The following MGLL variants were observed in gnomAD, a reference collection of about 807,000 sequenced individuals.
MGLL encodes the protein monoglyceride lipase.
MGLL carries 7 observed loss-of-function variants against 29.1 expected under a neutral mutation model. The ratio of observed to expected loss-of-function variants is 0.24; its 90% CI spans 0.14 to 0.45. The LOEUF is 0.45. Ranked by LOEUF, MGLL falls within the 20% of genes least tolerant of loss-of-function variation. The pLI is 0.99. For missense variants in MGLL, 356 were observed against 413.6 expected (o/e 0.86, Z 1.21); for synonymous variants, 148 against 168.3 (o/e 0.88, Z 0.93).
At chr3:127,821,957 T>C in intron 1 of MGLL, 119 bp from the exon 2 acceptor site, 1 of 1,136,002 alleles carries the variant, frequency 8.8e-7, no homozygotes, top group Non-Finnish European at 1.2e-6. Flanking sequence ...AAAAAACCCC[T>C]CTGTTTCAAA....
chr3:127,785,895 C>T (rs1179575964), intron 2 of MGLL, among the ~76,000 whole-genome samples: 1 of 152,182 alleles, frequency 6.6e-6, no homozygotes, highest in African/African-American at 2.4e-5. Flanking sequence ...GATAAGGGAG[C>T]CCAACCTAGA....
intron 2 of MGLL, among the ~76,000 whole-genome samples, chr3:127,785,327 C>G (rs547617564): frequency 2.6e-5 from 4 of 152,346 alleles, no homozygotes; most frequent in Middle Eastern, 3.4e-3. Context: ...CTGGCCATGT[C>G]CCAAGCTATG....
upstream of MGLL, chr3:127,822,520 C>T: frequency 1.6e-6 from 1 of 608,216 alleles, no homozygotes; most frequent in Non-Finnish European, 2.9e-6. Flanking sequence ...CTCTCCGGGG[C>T]TCCCCTCCCT....
intron 5 of MGLL, among the ~76,000 whole-genome samples, chr3:127,715,010 C>G (rs2075788164): frequency 6.6e-6 from 1 of 152,192 alleles, no homozygotes; most frequent in Non-Finnish European, 1.5e-5. Flanking sequence ...TCCAGGGCCA[C>G]CTGGCTTCTG....
chr3:127,720,911 G>T, intron 5 of MGLL, 142 bp downstream of exon 5: 1 of 746,870 alleles, frequency 1.3e-6, no homozygotes, highest in South Asian at 1.5e-5. Flanking sequence ...CAACAGTGTT[G>T]GATATTTGTC....
intron 6 of MGLL, among the ~76,000 whole-genome samples, chr3:127,701,063 A>C (rs1462992849): frequency 6.6e-6 from 1 of 151,776 alleles, no homozygotes; most frequent in Non-Finnish European, 1.5e-5. Context: ...AAAAATACAA[A>C]AATTAGCCTG....
Position 127,721,173 on chromosome 3 carries a change from A to C in MGLL, c.400-10T>G. The C allele has an allele frequency of 6.2e-7, 1 of 1,611,292 alleles. No homozygotes were observed. The highest frequency in any genetic ancestry group is 8.5e-7 in the Non-Finnish European group (1 of 1,177,496). On this transcript the variant is annotated splice_polypyrimidine_tract_variant and intron_variant, in intron 4 of 7. Transcript: ENST00000265052. The stretch of plus-strand genomic sequence containing the variant: ...TGGCGATGGCGCCTCCCTGTAATGC[A>C]GAATGGGCAGAGCTGCTGTGTTCGG...
At chr3:127,781,727 G>A in intron 3 of MGLL, 62 bp downstream of exon 3, 1 of 1,379,884 alleles carries the variant, frequency 7.2e-7, no homozygotes. Flanking sequence ...AGATGGACTA[G>A]AGAGGGAGAT....
Position 127,691,946 on chromosome 3 carries a change from T to G in MGLL, c.*252A>C. 1.9e-6 allele frequency: 1 copy of G among 521,390 alleles called. No homozygotes were observed. The highest frequency in any genetic ancestry group is 3.4e-6 in the Non-Finnish European group (1 of 295,390). 32.3% of individuals were successfully genotyped at this position (521,390 alleles called of 1,614,324 possible). The stretch of plus-strand genomic sequence containing the variant: ...TGTTTTCAGTGGACATTTTAGCACA[T>G]TCTTTGTGGAAAATCACCTGGGACC... On this transcript the variant is annotated 3_prime_UTR_variant, in exon 8 of 8. Coordinates refer to ENST00000265052, the MANE Select transcript of MGLL (RefSeq NM_007283.7).
At chr3:127,694,209 G>T (rs564977751) in intron 7 of MGLL, among the ~76,000 whole-genome samples, 1 of 148,492 alleles carries the variant, frequency 6.7e-6, no homozygotes. Context: ...GGCAGAGGTT[G>T]CTGTGAGCCG....
intron 3 of MGLL, among the ~76,000 whole-genome samples, chr3:127,776,459 G>A (rs533314372): frequency 1.2e-4 from 19 of 152,262 alleles, no homozygotes; most frequent in African/African-American, 3.1e-4. Context: ...GGCTCTCAAC[G>A]ATCGGAGCCC....
intron 2 of MGLL, among the ~76,000 whole-genome samples, chr3:127,814,180 G>T (rs1468808169): frequency 1.3e-5 from 2 of 152,166 alleles, no homozygotes; most frequent in Non-Finnish European, 2.9e-5. Flanking sequence ...GTCAGCATTA[G>T]CCCGGGAGAG....
intron 5 of MGLL, chr3:127,715,847 G>A (rs1222268437): frequency 2.2e-6 from 1 of 455,978 alleles, no homozygotes. Context: ...GAGGGGAGTT[G>A]CTCACCCAAA....
At chr3:127,715,564 G>A (rs552932420) in intron 5 of MGLL, 1 of 394,820 alleles carries the variant, frequency 2.5e-6, no homozygotes, top group African/African-American at 2.1e-5. Context: ...AAGATTTGTT[G>A]ATTTCATGAG....
At chr3:127,816,503 GC>G (rs1306815552) in intron 2 of MGLL, among the ~76,000 whole-genome samples, 1 of 152,176 alleles carries the variant, frequency 6.6e-6, no homozygotes, top group African/African-American at 2.4e-5. Context: ...GCTGGGAGGG[GC>G]CCTTATTTCC....
intron 2 of MGLL, among the ~76,000 whole-genome samples, chr3:127,786,689 A>G (rs930030101): frequency 6.6e-6 from 1 of 152,264 alleles, no homozygotes; most frequent in African/African-American, 2.4e-5. Context: ...TTTATTAATC[A>G]GGTGACCTAA....
intron 5 of MGLL, chr3:127,711,931 T>A (rs1362054583): frequency 6.6e-6 from 1 of 152,028 alleles, no homozygotes; most frequent in African/African-American, 2.4e-5. Context: ...ACCATGTTGG[T>A]TAGGCTGGTC....
chr3:127,710,124 T>C (rs1204396375), intron 6 of MGLL, among the ~76,000 whole-genome samples: 1 of 152,202 alleles, frequency 6.6e-6, no homozygotes, highest in Non-Finnish European at 1.5e-5. Flanking sequence ...GGTGGCCCTC[T>C]TGGCCTTCAC....
intron 3 of MGLL, among the ~76,000 whole-genome samples, chr3:127,746,564 A>G (rs574532284): frequency 1.3e-5 from 2 of 152,068 alleles, no homozygotes; most frequent in Admixed American, 6.5e-5. Context: ...TCCCACCCCT[A>G]TGTTTCCCAC....
Sources: gnomAD v4.1 joint callset for allele counts (sites outside exome capture counted in the v4.1 genomes callset) on GRCh38, gnomAD v4.1.1 for gene constraint, MANE v1.5 for transcripts, NCBI Gene and HGNC (gene_info 2026-07-23, HGNC 2026-07-21) for gene names.